The following CALCR variants were observed in gnomAD, a reference collection of about 807,000 sequenced individuals.
CALCR encodes calcitonin receptor.
In CALCR, 47 loss-of-function variants were observed where a neutral mutation model predicts 59.5. The ratio of observed to expected loss-of-function variants is 0.79; its 90% CI spans 0.63 to 1.01. The LOEUF is 1.01. Ranked by LOEUF, CALCR falls within the 50% of genes least tolerant of loss-of-function variation. CALCR has a pLI of 0.00. For synonymous variants in CALCR, 213 were observed against 211.3 expected, an observed-to-expected ratio of 1.01 and a Z score of -0.07; for missense variants, 566 against 597.1, an observed-to-expected ratio of 0.95 and a Z score of 0.54.
intron 6 of CALCR, among the ~76,000 whole-genome samples, chr7:93,471,706 A>G (rs1231569623): frequency 1.3e-5 from 2 of 151,786 alleles, no homozygotes; most frequent in African/African-American, 4.8e-5. Flanking sequence ...GGCTGGTTGT[A>G]GACTTGGTGA....
chr7:93,524,012 A>C (rs1399802454), intron 2 of CALCR, among the ~76,000 whole-genome samples: 1 of 152,008 alleles, frequency 6.6e-6, no homozygotes. Context: ...AACACTATAT[A>C]ATTACATTTC....
At chr7:93,469,772 T>A (rs187119811) in intron 6 of CALCR, among the ~76,000 whole-genome samples, 1 of 151,934 alleles carries the variant, frequency 6.6e-6, no homozygotes, top group East Asian at 1.9e-4. Context: ...TGGCTTTTGG[T>A]CTTAAGTTCC....
chr7:93,483,446 TAGATAGATAGAC>T (rs201952996), intron 3 of CALCR, among the ~76,000 whole-genome samples: 5,239 of 144,072 alleles, frequency 0.036, 297 homozygotes, highest in African/African-American at 0.13. Context: ...GATAGATAGA[TAGATAGATAGAC>T]AGACAGATAG....
intron 7 of CALCR, among the ~76,000 whole-genome samples, chr7:93,465,150 G>C (rs1042205547): frequency 6.6e-6 from 1 of 152,070 alleles, no homozygotes; most frequent in Middle Eastern, 3.4e-3. Context: ...CTAATGAATG[G>C]TCTGTTATGC....
intron 2 of CALCR, among the ~76,000 whole-genome samples, chr7:93,529,500 T>C (rs1184390592): frequency 6.6e-6 from 1 of 152,232 alleles, no homozygotes. Context: ...GACTAATACA[T>C]ATATATTTCA....
intron 2 of CALCR, among the ~76,000 whole-genome samples, chr7:93,499,446 A>G (rs893953670): frequency 1.3e-5 from 2 of 151,916 alleles, no homozygotes; most frequent in Non-Finnish European, 2.9e-5. Flanking sequence ...GTTATTTCTA[A>G]TTACATTTAC....
At chr7:93,546,467 G>A (rs757070827) in intron 2 of CALCR, among the ~76,000 whole-genome samples, 14 of 152,128 alleles carry the variant, frequency 9.2e-5, no homozygotes, top group Non-Finnish European at 2.9e-5. Flanking sequence ...GGCAGTAGCT[G>A]GAAGTCAAAC....
intron 2 of CALCR, among the ~76,000 whole-genome samples, chr7:93,502,271 GA>G (rs1321673263): frequency 1.3e-5 from 2 of 152,004 alleles, no homozygotes; most frequent in Non-Finnish European, 2.9e-5. Context: ...TATATATAAG[GA>G]AATAAAGGTT....
chr7:93,534,610 G>A (rs1014513167), intron 2 of CALCR, among the ~76,000 whole-genome samples: 16 of 151,778 alleles, frequency 1.1e-4, no homozygotes, highest in South Asian at 2.1e-4. Flanking sequence ...CTTAGGAAGC[G>A]TTTTTATTTC....
chr7:93,505,755 CTTT>C (rs1333252717), intron 2 of CALCR, among the ~76,000 whole-genome samples: 9 of 152,274 alleles, frequency 5.9e-5, no homozygotes, highest in Admixed American at 4.6e-4. Flanking sequence ...GCACACACTT[CTTT>C]TTACCATCCC....
intron 2 of CALCR, among the ~76,000 whole-genome samples, chr7:93,506,862 C>G (rs1801435947): frequency 6.6e-6 from 1 of 152,130 alleles, no homozygotes; most frequent in South Asian, 2.1e-4. Flanking sequence ...TGAAAGGTAA[C>G]TGAATCATGC....
chr7:93,424,768 A>G lies in CALCR; in HGVS notation c.*1588T>C, dbSNP rs947293302. The G allele has an allele frequency of 6.6e-6, 1 of 152,646 alleles. No individual in the cohort carries two copies. Among genetic ancestry groups the G allele is most frequent in the Non-Finnish European group, 1.5e-5 (1 of 68,016 alleles). The allele number at this position is 152,646 out of a possible 1,614,324, so 9.5% of individuals were successfully genotyped here. Reference sequence around the variant, plus strand: ...CATGTTTGTAAACAAAAATAGAACAATACTACATAACACTGTGATTGGAAA... The same window carrying G: ...CATGTTTGTAAACAAAAATAGAACAGTACTACATAACACTGTGATTGGAAA... On this transcript the variant is annotated 3_prime_UTR_variant, in exon 14 of 14. Coordinates refer to ENST00000426151, the MANE Select transcript of CALCR (RefSeq NM_001742.4).
At chr7:93,556,688 A>C (rs937572287) in intron 2 of CALCR, among the ~76,000 whole-genome samples, 11 of 151,910 alleles carry the variant, frequency 7.2e-5, no homozygotes, top group African/African-American at 2.7e-4. Context: ...TTTTTTCCTG[A>C]AACTTTCTTT....
At chr7:93,537,851 T>C (rs1789033226) in intron 2 of CALCR, among the ~76,000 whole-genome samples, 1 of 151,902 alleles carries the variant, frequency 6.6e-6, no homozygotes, top group Non-Finnish European at 1.5e-5. Flanking sequence ...ATCAATGAAA[T>C]TGACTAGTTT....
intron 2 of CALCR, among the ~76,000 whole-genome samples, chr7:93,556,896 G>A (rs762030299): frequency 1.1e-4 from 17 of 151,894 alleles, no homozygotes; most frequent in African/African-American, 1.7e-4. Context: ...AGAAAGACTC[G>A]CATTTCTGTA....
intron 2 of CALCR, among the ~76,000 whole-genome samples, chr7:93,545,975 C>G (rs1789274706): frequency 6.6e-6 from 1 of 152,022 alleles, no homozygotes; most frequent in Admixed American, 6.6e-5. Flanking sequence ...TGAGTACTCT[C>G]TCCCCTTACT....
At chr7:93,454,106 A>T (rs1800161102) in intron 8 of CALCR, among the ~76,000 whole-genome samples, 1 of 150,602 alleles carries the variant, frequency 6.6e-6, no homozygotes, top group Non-Finnish European at 1.5e-5. Context: ...CATCTCAAAA[A>T]CTCTGCTATC....
chr7:93,561,718 A>T (rs1046135578), intron 2 of CALCR, among the ~76,000 whole-genome samples: 18 of 152,152 alleles, frequency 1.2e-4, no homozygotes, highest in Non-Finnish European at 5.9e-5. Context: ...TTTTGCTGCC[A>T]GACAGTGAAA....
chr7:93,468,411 G>A (rs1426081241), intron 7 of CALCR, among the ~76,000 whole-genome samples: 2 of 151,562 alleles, frequency 1.3e-5, no homozygotes. Flanking sequence ...ACTTACCCAT[G>A]GTAAATGGAA....
Sources: gnomAD v4.1 joint callset for allele counts (sites outside exome capture counted in the v4.1 genomes callset) on GRCh38, gnomAD v4.1.1 for gene constraint, MANE v1.5 for transcripts, NCBI Gene and HGNC (gene_info 2026-07-23, HGNC 2026-07-21) for gene names.